The following NDST1 variants were observed in gnomAD, a reference collection of about 807,000 sequenced individuals.
NDST1 encodes the protein N-deacetylase and N-sulfotransferase 1, also known as bifunctional heparan sulfate N-deacetylase/N-sulfotransferase 1.
A neutral mutation model predicts 92.8 loss-of-function variants in NDST1; 35 were observed. The observed-to-expected ratio is 0.38, with a 90% CI of 0.29 to 0.50. The LOEUF (loss-of-function observed/expected upper bound fraction) is 0.50. Among genes scored for constraint, NDST1 ranks in the 20% least tolerant of loss-of-function variants. The pLI is 0.94. For synonymous variants in NDST1, 493 were observed against 500.3 expected (o/e 0.99, Z 0.19); for missense variants, 822 against 1,182.7 (o/e 0.69, Z 4.47).
At chr5:150,537,248 G>A (rs1279551036) in intron 6 of NDST1, among the ~76,000 whole-genome samples, 1 of 152,212 alleles carries the variant, frequency 6.6e-6, no homozygotes, top group Non-Finnish European at 1.5e-5. Flanking sequence ...AAAAAGAACA[G>A]GATAACAGCG....
chr5:150,514,723 C>T (rs1235921277), intron 1 of NDST1, among the ~76,000 whole-genome samples: 1 of 152,136 alleles, frequency 6.6e-6, no homozygotes, highest in African/African-American at 2.4e-5. Flanking sequence ...AGGAAGGAAA[C>T]CCATTTGAGT....
chr5:150,545,304 T>A lies in NDST1; in HGVS notation c.1971-8T>A, dbSNP rs779946704. On this transcript the variant is annotated splice_polypyrimidine_tract_variant and splice_region_variant and intron_variant, in intron 10 of 14. Coordinates refer to ENST00000261797, the MANE Select transcript of NDST1 (RefSeq NM_001543.5). ...TGTCTGTGAGCCGCCTCTCTGGGCT[T>A]CCTGCAGGTACATGGAGTTCTTCCC... 25 of 1,614,040 alleles carry A rather than the reference T, an allele frequency of 1.5e-5. No individual in the cohort carries two copies. Among genetic ancestry groups the A allele is most frequent in the Non-Finnish European group, 2.1e-5 (25 of 1,180,024 alleles).
chr5:150,523,181 C>T (rs1754317713), intron 2 of NDST1, among the ~76,000 whole-genome samples: 1 of 152,234 alleles, frequency 6.6e-6, no homozygotes, highest in African/African-American at 2.4e-5. Context: ...TTGTTCTCAA[C>T]TGGCTTGATC....
In NDST1 at chr5:150,556,519, C is replaced by A. The variant is rs966609585; in HGVS notation, c.*3187C>A. On this transcript the variant is annotated 3_prime_UTR_variant, in exon 15 of 15. Transcript: ENST00000261797. ...AAAAGCAAATACAACAATGTTTTAC[C>A]AAACATTTAATTATGAATGCCCACT... The A allele has an allele frequency of 6.6e-6, 1 of 152,146 alleles. No homozygotes were observed. The highest frequency in any genetic ancestry group is 2.4e-5 in the African/African-American group (1 of 41,432). The allele number at this position is 152,146 out of a possible 1,614,324, so 9.4% of individuals were successfully genotyped here. A position where few individuals can be genotyped will look rare whatever the true frequency, so the allele number is the denominator to read the frequency against.
intron 12 of NDST1, 109 bp downstream of exon 12, chr5:150,548,497 C>G: frequency 8.4e-7 from 1 of 1,189,506 alleles, no homozygotes; most frequent in Non-Finnish European, 1.2e-6. Context: ...ATATGCCCTC[C>G]TTGGAGAGCT....
intron 2 of NDST1, among the ~76,000 whole-genome samples, chr5:150,523,361 T>C (rs28517439): frequency 0.013 from 2,017 of 152,330 alleles, 45 homozygotes; most frequent in African/African-American, 0.045. Context: ...GTCCCAGGCC[T>C]GAAAAGCGTC....
At chr5:150,508,350 T>TGTGTCC (rs769800473) in intron 1 of NDST1, 124 bp downstream of exon 1, 1 of 145,444 alleles carries the variant, frequency 6.9e-6, no homozygotes, top group Non-Finnish European at 1.5e-5. Flanking sequence ...TGTGTGTGTG[T>TGTGTCC]GTCCCCAGGA....
chr5:150,540,297 C>T, intron 8 of NDST1, 33 bp downstream of exon 8: 1 of 1,574,196 alleles, frequency 6.4e-7, no homozygotes, highest in African/African-American at 1.3e-5. Flanking sequence ...CAGGTTGCTA[C>T]AGGGATGGAA....
At chr5:150,511,857 G>T (rs1753738502) in intron 1 of NDST1, among the ~76,000 whole-genome samples, 1 of 152,050 alleles carries the variant, frequency 6.6e-6, no homozygotes, top group Non-Finnish European at 1.5e-5. Flanking sequence ...AAATGTGGAG[G>T]ATTTTCCTTG....
intron 2 of NDST1, among the ~76,000 whole-genome samples, chr5:150,527,127 C>T (rs1353964232): frequency 4.6e-5 from 7 of 152,254 alleles, no homozygotes; most frequent in African/African-American, 7.2e-5. Flanking sequence ...CAGGCAACCA[C>T]GCCTAATGGT....
At chr5:150,522,981 T>A (rs1363605140) in intron 2 of NDST1, among the ~76,000 whole-genome samples, 11 of 152,190 alleles carry the variant, frequency 7.2e-5, no homozygotes, top group Non-Finnish European at 1.2e-4. Context: ...GTGGCCTGTG[T>A]CCGCTGCTGG....
intron 7 of NDST1, 132 bp from the exon 8 acceptor site, chr5:150,539,950 A>G: frequency 7.7e-7 from 1 of 1,299,316 alleles, no homozygotes; most frequent in East Asian, 2.5e-5. Context: ...GTTTGTTGAC[A>G]GCGCCAGCGT....
At position 150,527,872 on chromosome 5, in the gene NDST1, C is replaced by G. The variant is rs1158425989; in HGVS notation, c.582C>G (p.Gly194=). 1 of 1,614,016 alleles carries G rather than the reference C, an allele frequency of 6.2e-7. No individual in the cohort carries two copies. The highest frequency in any genetic ancestry group is 1.3e-5 in the African/African-American group (1 of 74,928). Reference sequence around the variant, plus strand: ...CCCTGTTCCTGCACTCAAACCTGGGCCTGAAGGACTGCAGCATCAACCCCA... The same window carrying G: ...CCCTGTTCCTGCACTCAAACCTGGGGCTGAAGGACTGCAGCATCAACCCCA... ...GFPLFLHSNL[G]LKDCSINPKS... The change falls in exon 3 of 15, where the codon GGC becomes GGG. Residue 194 remains glycine (G), a synonymous_variant. Transcript: ENST00000261797.
intron 4 of NDST1, 97 bp downstream of exon 4, chr5:150,533,129 A>T: frequency 8.3e-7 from 1 of 1,203,500 alleles, no homozygotes; most frequent in East Asian, 2.3e-5. Context: ...GGGTGGGTTT[A>T]CTGGCCCACA....
intron 2 of NDST1, among the ~76,000 whole-genome samples, chr5:150,525,743 G>T (rs1187565398): frequency 6.6e-6 from 1 of 152,158 alleles, no homozygotes; most frequent in African/African-American, 2.4e-5. Context: ...AGGCTCAGCT[G>T]AGACTTTACC....
intron 1 of NDST1, among the ~76,000 whole-genome samples, chr5:150,503,065 C>A (rs956482359): frequency 3.3e-5 from 5 of 152,048 alleles, no homozygotes; most frequent in Non-Finnish European, 5.9e-5. Flanking sequence ...CCTCTCTGAG[C>A]CTCAATTTTC....
chr5:150,514,578 A>G (rs1224503488), intron 1 of NDST1, among the ~76,000 whole-genome samples: 1 of 152,010 alleles, frequency 6.6e-6, no homozygotes, highest in Non-Finnish European at 1.5e-5. Flanking sequence ...AAAAAAAAAA[A>G]AAAAGTGCTT....
At chr5:150,514,386 A>G (rs139322780) in intron 1 of NDST1, among the ~76,000 whole-genome samples, 1,752 of 152,186 alleles carry the variant, frequency 0.012, 29 homozygotes, top group African/African-American at 0.04. Context: ...CCTGGCCAAC[A>G]TGGCAAAACC....
upstream of NDST1, among the ~76,000 whole-genome samples, chr5:150,505,395 G>A (rs139399119): frequency 1.0e-3 from 153 of 152,290 alleles, 1 homozygote; most frequent in Middle Eastern, 6.8e-3. Context: ...TGGAATGTGG[G>A]GATTAAGAAC....
Sources: gnomAD v4.1 joint callset for allele counts (sites outside exome capture counted in the v4.1 genomes callset) on GRCh38, gnomAD v4.1.1 for gene constraint, MANE v1.5 for transcripts, NCBI Gene and HGNC (gene_info 2026-07-23, HGNC 2026-07-21) for gene names.